The following TOLLIP variants were observed in gnomAD, a reference collection of about 807,000 sequenced individuals.
The protein encoded by TOLLIP is toll-interacting protein.
Under a neutral mutation model 33.5 loss-of-function variants are expected in TOLLIP, and 16 were observed. The observed-to-expected ratio is 0.48, with a 90% CI of 0.32 to 0.72. The LOEUF is 0.72. Among genes scored for constraint, TOLLIP ranks in the 30% least tolerant of loss-of-function variants. TOLLIP has a pLI of 0.03. For synonymous variants in TOLLIP, 176 were observed against 163.7 expected, an observed-to-expected ratio of 1.07 and a Z score of -0.57; for missense variants, 325 against 396.6, an observed-to-expected ratio of 0.82 and a Z score of 1.53.
chr11:1,296,334 G>A (rs1296077532), intron 1 of TOLLIP, among the ~76,000 whole-genome samples: 4 of 152,194 alleles, frequency 2.6e-5, no homozygotes, highest in East Asian at 1.9e-4. Flanking sequence ...AAACAACCAC[G>A]AAAGACCTCC....
rs571845638 is a variant in TOLLIP, at chr11:1,288,855, C to T, written c.367-79G>A. Reference sequence around the variant, plus strand: ...CCCTGCAGCCGCACCATCGTGGGCCCGCCTCGAGTCCCCGTCTTATCTGTG... The same window carrying T: ...CCCTGCAGCCGCACCATCGTGGGCCTGCCTCGAGTCCCCGTCTTATCTGTG... On this transcript the variant is annotated intron_variant, in intron 3 of 5. Coordinates refer to ENST00000317204, the MANE Select transcript of TOLLIP (RefSeq NM_019009.4). The T allele has an allele frequency of 1.2e-4, 172 of 1,488,420 alleles. No homozygotes were observed. The African/African-American group carries it at 1.8e-3, about 15-fold the overall frequency. 92.2% of individuals were successfully genotyped at this position (1,488,420 alleles called of 1,614,324 possible). A position where few individuals can be genotyped will look rare whatever the true frequency, so the allele number is the denominator to read the frequency against.
chr11:1,297,115 C>G (rs898453780), intron 1 of TOLLIP, among the ~76,000 whole-genome samples: 1 of 152,124 alleles, frequency 6.6e-6, no homozygotes, highest in Admixed American at 6.6e-5. Flanking sequence ...TCAGGAAATA[C>G]CGAGTGGAAC....
Position 1,295,730 on chromosome 11 carries a change from A to T in TOLLIP, c.98T>A (p.Val33Asp). 1 of 1,596,482 alleles carries T rather than the reference A, an allele frequency of 6.3e-7. No homozygotes were observed. The highest frequency in any genetic ancestry group is 8.5e-7 in the Non-Finnish European group (1 of 1,173,554). Residue 33 changes from valine to aspartate, a missense_variant, in exon 2 of 6, where the codon GTC becomes GAC. Coordinates refer to ENST00000317204, the MANE Select transcript of TOLLIP (RefSeq NM_019009.4). ...CTGGGCCGCCTGGGCGTCCAGCTGG[A>T]CCTGCCGCTGCTGCTGTGTGGGCGT... ...RITPTQQQRQ[V>D]QLDAQAAQQL... is the part of the protein sequence containing the mutation.
intron 5 of TOLLIP, among the ~76,000 whole-genome samples, chr11:1,279,291 G>A (rs991001649): frequency 1.3e-5 from 2 of 152,260 alleles, no homozygotes; most frequent in African/African-American, 4.8e-5. Flanking sequence ...TCCACGGTGT[G>A]GGCTGAGGGG....
chr11:1,277,936 C>T lies in TOLLIP; in HGVS notation c.611-683G>A, dbSNP rs1863363885. Among the ~76,000 whole-genome samples, 1 of 152,152 alleles carries T rather than the reference C, an allele frequency of 6.6e-6. No individual in the cohort carries two copies. Among genetic ancestry groups the T allele is most frequent in the South Asian group, 2.1e-4 (1 of 4,818 alleles). On this transcript the variant is annotated intron_variant, in intron 5 of 5. Transcript: ENST00000317204. The surrounding 1 kb of genome is among the most constrained non-coding windows in gnomAD (Gnocchi z 4.2). ...GCAGCAGGTGCGGTGTACAGTGGAC[C>T]CTCAGTGCACTGGGGCCACCGTCCA...
intron 5 of TOLLIP, among the ~76,000 whole-genome samples, chr11:1,280,781 G>T (rs1049705743): frequency 6.6e-6 from 1 of 152,130 alleles, no homozygotes; most frequent in Non-Finnish European, 1.5e-5. Flanking sequence ...CAGCGCGGCC[G>T]GCACCACCTT....
At chr11:1,281,934 C>T (rs924014655) in intron 5 of TOLLIP, among the ~76,000 whole-genome samples, 68 of 152,370 alleles carry the variant, frequency 4.5e-4, no homozygotes, top group Admixed American at 2.9e-3. Flanking sequence ...CCAAGGTCTC[C>T]GCAGACTTCG....
intron 1 of TOLLIP, among the ~76,000 whole-genome samples, chr11:1,301,106 T>C (rs1290338462): frequency 6.6e-6 from 1 of 152,280 alleles, no homozygotes; most frequent in African/African-American, 2.4e-5. Flanking sequence ...TGAGCAGCGC[T>C]GAGTGTAATT....
rs922426127 is a variant in TOLLIP, at chr11:1,295,552, C to T, written c.183+93G>A. ...GGGAATCAGAAGTTCTGTTTGCCCG[C>T]TTAGGAAATGCAGTATAAACGCCGA... On this transcript the variant is annotated intron_variant, in intron 2 of 5. Coordinates refer to ENST00000317204, the MANE Select transcript of TOLLIP (RefSeq NM_019009.4). 3.6e-6 allele frequency: 5 copies of T among 1,383,192 alleles called. No homozygotes were observed. In the Admixed American group the frequency reaches 9.4e-5, roughly 26 times the overall value. The allele number at this position is 1,383,192 out of a possible 1,614,324, so 85.7% of individuals were successfully genotyped here. A position where few individuals can be genotyped will look rare whatever the true frequency, so the allele number is the denominator to read the frequency against.
rs576846336 is a variant in TOLLIP at position 1,300,937 on chromosome 11, G to A, written c.34-5143C>T. The stretch of plus-strand genomic sequence containing the variant: ...CATGACGCTGCGAGGCTGTGGAGGT[G>A]CTGTTTGTGTCTGTGTGCCACGCAT... On this transcript the variant is annotated intron_variant, in intron 1 of 5. Coordinates refer to ENST00000317204, the MANE Select transcript of TOLLIP (RefSeq NM_019009.4). Among the ~76,000 whole-genome samples, 11 of 152,388 alleles carry A rather than the reference G, an allele frequency of 7.2e-5. No individual in the cohort carries two copies. The South Asian group carries it at 2.3e-3, about 32-fold the overall frequency.
Position 1,277,014 on chromosome 11 carries a change from G to C in TOLLIP, c.*25C>G, listed in dbSNP as rs1044285482. On this transcript the variant is annotated 3_prime_UTR_variant, in exon 6 of 6. Transcript: ENST00000317204. The surrounding 1 kb of genome is among the most constrained non-coding windows in gnomAD (Gnocchi z 4.2). ...GGGTCGGCGTGTCCAAAGAGCGGGG[G>C]CAAAACGGCATCGAGGCAGAGGCTC... The C allele has an allele frequency of 2.5e-6, 4 of 1,607,584 alleles. No homozygotes were observed. Among genetic ancestry groups the C allele is most frequent in the Non-Finnish European group, 3.4e-6 (4 of 1,175,218 alleles).
intron 3 of TOLLIP, among the ~76,000 whole-genome samples, chr11:1,289,910 T>C (rs1419871055): frequency 6.8e-6 from 1 of 147,866 alleles, no homozygotes; most frequent in Non-Finnish European, 1.5e-5. Context: ...GTGCACGCTC[T>C]GTCCCTGGAA....
intron 5 of TOLLIP, chr11:1,283,436 C>A: frequency 2.4e-6 from 1 of 421,460 alleles, no homozygotes. Flanking sequence ...CCGTACTGTG[C>A]CAGGGACGCC....
chr11:1,280,056 C>T (rs900533985), intron 5 of TOLLIP, among the ~76,000 whole-genome samples: 14 of 152,204 alleles, frequency 9.2e-5, no homozygotes, highest in Admixed American at 5.9e-4. Flanking sequence ...TGTTTCAAAG[C>T]GACCAAGTTA....
At chr11:1,284,720 T>C (rs1863629611) in intron 5 of TOLLIP, among the ~76,000 whole-genome samples, 1 of 152,176 alleles carries the variant, frequency 6.6e-6, no homozygotes, top group African/African-American at 2.4e-5. Context: ...CTCTTTCCTC[T>C]GGAGAAAGGC....
chr11:1,279,968 T>C (rs1392817573), intron 5 of TOLLIP, among the ~76,000 whole-genome samples: 1 of 152,192 alleles, frequency 6.6e-6, no homozygotes, highest in African/African-American at 2.4e-5. Flanking sequence ...TCAGAGACTG[T>C]TCCGGAACTC....
chr11:1,300,679 T>C (rs1864244684), intron 1 of TOLLIP, among the ~76,000 whole-genome samples: 1 of 152,208 alleles, frequency 6.6e-6, no homozygotes, highest in Non-Finnish European at 1.5e-5. Flanking sequence ...TGGGCCACAC[T>C]TTCTGCCTTG....
At chr11:1,288,914 G>C (rs5743968) in intron 3 of TOLLIP, 138 bp from the exon 4 acceptor site, 2 of 900,422 alleles carry the variant, frequency 2.2e-6, no homozygotes. Flanking sequence ...ACACCCCATC[G>C]ATGAGACCCC....
In TOLLIP at chr11:1,288,820, G is replaced by GC. The variant is rs766439766; in HGVS notation, c.367-45dup. ...AGAGGCCCCAGGCATCAGGGAAGGGGCCACCCTGCCCCTGCAGCCGCACCA... is the reference window on the plus strand; with the variant it reads ...AGAGGCCCCAGGCATCAGGGAAGGGGCCCACCCTGCCCCTGCAGCCGCACCA... On this transcript the variant is annotated intron_variant, in intron 3 of 5. Coordinates refer to ENST00000317204, the MANE Select transcript of TOLLIP (RefSeq NM_019009.4). 4.4e-6 allele frequency: 7 copies of GC among 1,584,344 alleles called. No individual in the cohort carries two copies. In the Admixed American group the frequency reaches 5.2e-5, roughly 12 times the overall value.
Sources: allele counts gnomAD v4.1 joint callset (sites outside exome capture counted in the v4.1 genomes callset), GRCh38; gene constraint gnomAD v4.1.1; non-coding constraint Gnocchi (gnomAD v3.1); transcripts MANE v1.5; gene names NCBI Gene and HGNC (gene_info 2026-07-23, HGNC 2026-07-21).